Variants in TEX26 observed in about 807,000 individuals in gnomAD.
TEX26 encodes the protein testis expressed 26, also known as testis-expressed protein 26.
A neutral mutation model predicts 35.3 loss-of-function variants in TEX26; 34 were observed. That is an observed-to-expected ratio of 0.96 (90% CI 0.73 to 1.28). The LOEUF is 1.28. Among genes scored for constraint, TEX26 ranks in the 50% most tolerant of loss-of-function variants. The pLI is 0.00. For synonymous variants in TEX26, 136 were observed against 111.8 expected (o/e 1.22, Z -1.36); for missense variants, 371 against 330.1 (o/e 1.12, Z -0.96).
At chr13:30,951,830 T>C (rs912056500) in intron 2 of TEX26, among the ~76,000 whole-genome samples, 1 of 152,036 alleles carries the variant, frequency 6.6e-6, no homozygotes, top group African/African-American at 2.4e-5. Context: ...AATTGTCTCA[T>C]AACTTTTTTT....
chr13:30,958,471 A>G (rs1055787606), intron 4 of TEX26, among the ~76,000 whole-genome samples: 2 of 152,184 alleles, frequency 1.3e-5, no homozygotes, highest in African/African-American at 4.8e-5. Context: ...TGGTGACAAA[A>G]TAATGACACC....
At chr13:30,941,710 A>G (rs1666997611) in intron 2 of TEX26, among the ~76,000 whole-genome samples, 2 of 152,128 alleles carry the variant, frequency 1.3e-5, no homozygotes, top group Admixed American at 6.5e-5. Flanking sequence ...TTGGGTACCC[A>G]TAGCTTAGTT....
Position 30,957,011 on chromosome 13 carries a change from T to G in TEX26, c.451T>G (p.Phe151Val), listed in dbSNP as rs756105085. Residue 151 changes from phenylalanine to valine, a missense_variant, in exon 4 of 7, where the codon TTT becomes GTT. Transcript: ENST00000380473. ...GTTTATTTCCCTTACTAAGAGAGAC[T>G]TTGTGGACAGATCAAAAGGTAAACA... is the stretch of plus-strand genomic sequence containing the variant. ...NQFISLTKRD[F>V]VDRSKAQKIK... is the part of the protein sequence containing the mutation. The G allele has an allele frequency of 1.1e-5, 18 of 1,614,172 alleles. No individual in the cohort carries two copies. Among genetic ancestry groups the G allele is most frequent in the Non-Finnish European group, 1.5e-5 (18 of 1,180,030 alleles).
chr13:30,974,131 A>AATATATATATAT (rs1555271791), intron 6 of TEX26, among the ~76,000 whole-genome samples: 12 of 84,410 alleles, frequency 1.4e-4, no homozygotes, highest in East Asian at 6.3e-4. Flanking sequence ...AAAAAAAAAA[A>AATATATATATAT]ATATATATAT....
chr13:30,940,406 T>C (rs900295354), intron 2 of TEX26, among the ~76,000 whole-genome samples: 1 of 135,390 alleles, frequency 7.4e-6, no homozygotes, highest in Non-Finnish European at 1.5e-5. Context: ...CGATCTCGGC[T>C]CACTGCAAGC....
chr13:30,948,746 TA>T (rs1953810926), intron 2 of TEX26, among the ~76,000 whole-genome samples: 1 of 152,182 alleles, frequency 6.6e-6, no homozygotes, highest in African/African-American at 2.4e-5. Flanking sequence ...TTAGTTTAAT[TA>T]GATCCCATTT....
intron 2 of TEX26, among the ~76,000 whole-genome samples, chr13:30,950,176 C>T (rs1224569260): frequency 1.3e-5 from 2 of 152,212 alleles, no homozygotes; most frequent in East Asian, 3.9e-4. Flanking sequence ...GAGGCCAAGG[C>T]GGGTAGGTCA....
intron 4 of TEX26, among the ~76,000 whole-genome samples, chr13:30,963,290 G>A (rs940718341): frequency 9.2e-5 from 14 of 152,162 alleles, no homozygotes; most frequent in African/African-American, 3.1e-4. Context: ...AGCTCCTGAG[G>A]AACAGGAACC....
intron 1 of TEX26, chr13:30,933,217 G>C (rs61947590): frequency 0.019 from 2,982 of 155,060 alleles, 53 homozygotes; most frequent in African/African-American, 0.042. Context: ...CTGCTGAATG[G>C]AGTCCCAGCT....
chr13:30,964,419 G>A (rs762098874), intron 4 of TEX26, among the ~76,000 whole-genome samples: 28 of 152,082 alleles, frequency 1.8e-4, no homozygotes, highest in Admixed American at 4.6e-4. Context: ...TTGTATTCAC[G>A]CTAATTGTCT....
intron 2 of TEX26, among the ~76,000 whole-genome samples, chr13:30,946,628 T>C (rs1953721454): frequency 6.6e-6 from 1 of 152,092 alleles, no homozygotes; most frequent in African/African-American, 2.4e-5. Flanking sequence ...ATTTCTTTTT[T>C]CCCCCTTAAG....
chr13:30,957,147 C>A, intron 4 of TEX26, 118 bp downstream of exon 4: 1 of 1,036,066 alleles, frequency 9.7e-7, no homozygotes, highest in Non-Finnish European at 1.4e-6. Flanking sequence ...GGCATGGAGA[C>A]AGGCGACTTT....
At chr13:30,960,312 GGCTC>G (rs1477759999) in intron 4 of TEX26, among the ~76,000 whole-genome samples, 10 of 152,158 alleles carry the variant, frequency 6.6e-5, no homozygotes, top group African/African-American at 1.9e-4. Context: ...GTGTGATCTT[GGCTC>G]ACTGCAGCCT....
rs189242349 is a variant in TEX26 at position 30,946,513 on chromosome 13, C to A, written c.147-6147C>A. On this transcript the variant is annotated intron_variant, in intron 2 of 6. Transcript: ENST00000380473. The stretch of plus-strand genomic sequence containing the variant: ...GTGATCTTTTGGGGATGTTATAGAA[C>A]CTTGTTTTGTCATATTGCCAGAATT... 7.9e-5 allele frequency among the ~76,000 whole-genome samples: 12 copies of A among 152,008 alleles called. No homozygotes were observed. The East Asian group carries it at 2.1e-3, about 27-fold the overall frequency.
At chr13:30,946,109 T>C (rs1302219640) in intron 2 of TEX26, among the ~76,000 whole-genome samples, 1 of 151,970 alleles carries the variant, frequency 6.6e-6, no homozygotes, top group Non-Finnish European at 1.5e-5. Context: ...ATTTGGCCAT[T>C]CTACATAATC....
intron 2 of TEX26, among the ~76,000 whole-genome samples, chr13:30,942,788 A>T (rs1953561570): frequency 6.6e-6 from 1 of 151,906 alleles, no homozygotes; most frequent in Non-Finnish European, 1.5e-5. Flanking sequence ...AGATCACTTC[A>T]TTGTCAGTAT....
Position 30,966,102 on chromosome 13 carries a change from T to C in TEX26, c.470-120T>C, listed in dbSNP as rs1293109408. On this transcript the variant is annotated intron_variant, in intron 4 of 6. Coordinates refer to ENST00000380473, the MANE Select transcript of TEX26 (RefSeq NM_152325.3). ...CTGTGACTGACAAAGCAGAAAATTA[T>C]TTCTCCATTGAAGTGTTCATACAGG... The C allele has an allele frequency of 6.1e-6, 6 of 989,710 alleles. No homozygotes were observed. In the East Asian group the frequency reaches 1.3e-4, roughly 22 times the overall value. The allele number at this position is 989,710 out of a possible 1,614,324, so 61.3% of individuals were successfully genotyped here. A position where few individuals can be genotyped will look rare whatever the true frequency, so the allele number is the denominator to read the frequency against.
chr13:30,939,615 A>G, intron 1 of TEX26, 79 bp from the exon 2 acceptor site: 1 of 1,333,522 alleles, frequency 7.5e-7, no homozygotes, highest in East Asian at 2.3e-5. Context: ...CTCTTGCAAA[A>G]TTATCTTAAT....
chr13:30,972,395 T>C, intron 6 of TEX26, among the ~76,000 whole-genome samples: 1 of 152,204 alleles, frequency 6.6e-6, no homozygotes, highest in East Asian at 1.9e-4. Context: ...TACTAATTCA[T>C]GCAAAACTTG....
Sources: allele counts gnomAD v4.1 joint callset (sites outside exome capture counted in the v4.1 genomes callset), GRCh38; gene constraint gnomAD v4.1.1; transcripts MANE v1.5; gene names NCBI Gene and HGNC (gene_info 2026-07-23, HGNC 2026-07-21).